The following TUT7 variants were observed in gnomAD, a reference collection of about 807,000 sequenced individuals.
TUT7 encodes terminal uridylyl transferase 7.
TUT7 carries 33 observed loss-of-function variants against 165.9 expected under a neutral mutation model. That is an observed-to-expected ratio of 0.20 (90% CI 0.15 to 0.27). TUT7 has a LOEUF of 0.27. Among genes scored for constraint, TUT7 ranks in the 10% least tolerant of loss-of-function variants. The pLI is 1.00. For missense variants in TUT7, 1,338 were observed against 1,762.3 expected, an observed-to-expected ratio of 0.76 and a Z score of 4.31; for synonymous variants, 552 against 608.1, an observed-to-expected ratio of 0.91 and a Z score of 1.36.
intron 14 of TUT7, 127 bp downstream of exon 14, chr9:86,322,198 C>T: frequency 1.3e-6 from 1 of 792,130 alleles, no homozygotes; most frequent in Non-Finnish European, 2.0e-6. Context: ...CTTGAGGATA[C>T]AATGGAGAAT....
intron 17 of TUT7, among the ~76,000 whole-genome samples, chr9:86,313,890 A>G (rs1018914430): frequency 2.0e-5 from 3 of 152,200 alleles, no homozygotes; most frequent in African/African-American, 7.2e-5. Flanking sequence ...CACAGGAGAA[A>G]ATAAGTAGGT....
chr9:86,328,128 A>G (rs1242719058), intron 11 of TUT7, among the ~76,000 whole-genome samples: 3 of 152,246 alleles, frequency 2.0e-5, no homozygotes, highest in Admixed American at 2.0e-4. Flanking sequence ...AGGAACCAGC[A>G]CAAAGAAACT....
chr9:86,344,556 C>T (rs1345409809), intron 5 of TUT7, among the ~76,000 whole-genome samples: 3 of 151,208 alleles, frequency 2.0e-5, no homozygotes, highest in African/African-American at 7.3e-5. Context: ...ATTTTAGATG[C>T]TGCAATTCTC....
chr9:86,338,514 G>T (rs540188725), intron 9 of TUT7, among the ~76,000 whole-genome samples: 1 of 152,244 alleles, frequency 6.6e-6, no homozygotes, highest in African/African-American at 2.4e-5. Flanking sequence ...CAACGTTCCT[G>T]TGCCTAACAA....
At chr9:86,322,584 A>C (rs761675074) in intron 13 of TUT7, 109 bp from the exon 14 acceptor site, 191 of 1,355,614 alleles carry the variant, frequency 1.4e-4, no homozygotes, top group Non-Finnish European at 1.9e-4. Flanking sequence ...TTTCCAAAGG[A>C]AATGAAAATA....
intron 26 of TUT7, among the ~76,000 whole-genome samples, chr9:86,292,312 A>C (rs1253971577): frequency 1.3e-5 from 2 of 152,090 alleles, no homozygotes; most frequent in Non-Finnish European, 2.9e-5. Context: ...ATAAAAAATG[A>C]ACCAGAAGGG....
At chr9:86,289,648 G>T (rs1473584342) in intron 26 of TUT7, among the ~76,000 whole-genome samples, 1 of 151,092 alleles carries the variant, frequency 6.6e-6, no homozygotes, top group Non-Finnish European at 1.5e-5. Flanking sequence ...AGTCACCAGA[G>T]AAAAGAATGA....
At chr9:86,301,716 A>G in intron 25 of TUT7, 115 bp from the exon 26 acceptor site, 1 of 1,493,262 alleles carries the variant, frequency 6.7e-7, no homozygotes, top group Non-Finnish European at 8.8e-7. Context: ...AGGAATAGAA[A>G]GTATTAAAAG....
At chr9:86,306,832 A>G (rs1396423860) in intron 22 of TUT7, among the ~76,000 whole-genome samples, 1 of 152,136 alleles carries the variant, frequency 6.6e-6, no homozygotes, top group Non-Finnish European at 1.5e-5. Context: ...TACTATCACC[A>G]CTGAAATGCC....
In TUT7 at chr9:86,341,020, C is replaced by T; in HGVS notation, c.1120G>A (p.Glu374Lys). Residue 374 changes from glutamate to lysine, a missense_variant, in exon 7 of 27, where the codon GAA becomes AAA. Coordinates refer to ENST00000375963, the MANE Select transcript of TUT7 (RefSeq NM_024617.4). ...GCCTTACCACTGTTCTTTAAACATTCTTGAACAAGTAAGAGGACATCTGGC... is the reference window on the plus strand; with the variant it reads ...GCCTTACCACTGTTCTTTAAACATTTTTGAACAAGTAAGAGGACATCTGGC... ...SQPDVLLLVQ[E>K]CLKNSDSFID... The T allele has an allele frequency of 6.2e-7, 1 of 1,611,742 alleles. No individual in the cohort carries two copies. The highest frequency in any genetic ancestry group is 8.5e-7 in the Non-Finnish European group (1 of 1,178,916).
intron 12 of TUT7, 54 bp from the exon 13 acceptor site, chr9:86,324,014 T>C: frequency 7.5e-7 from 1 of 1,331,848 alleles, no homozygotes; most frequent in Non-Finnish European, 9.8e-7. Flanking sequence ...TGTTACTATA[T>C]TTCATGTTTT....
chr9:86,291,463 CGA>C lies in TUT7; in HGVS notation c.4421-2721_4421-2720del, dbSNP rs1414825737. ...GTATGTGCTTGTAATCCCAGCCATTCGAGAGACAGGAGGCAGGAGAATCGCTT... is the reference window on the plus strand; with the variant it reads ...GTATGTGCTTGTAATCCCAGCCATTCGAGACAGGAGGCAGGAGAATCGCTT... On this transcript the variant is annotated intron_variant, in intron 26 of 26. Coordinates refer to ENST00000375963, the MANE Select transcript of TUT7 (RefSeq NM_024617.4). Among the ~76,000 whole-genome samples, 4 of 150,840 alleles carry C rather than the reference CGA, an allele frequency of 2.7e-5. No individual in the cohort carries two copies. The East Asian group carries it at 7.8e-4, about 29-fold the overall frequency.
intron 22 of TUT7, 79 bp downstream of exon 22, chr9:86,308,350 C>T: frequency 7.6e-7 from 1 of 1,322,032 alleles, no homozygotes; most frequent in South Asian, 1.5e-5. Context: ...GCTGGAAGAG[C>T]TCTGCAAGGA....
chr9:86,337,389 A>G (rs1277574815), intron 10 of TUT7, 30 bp downstream of exon 10: 2 of 1,593,426 alleles, frequency 1.3e-6, no homozygotes, highest in East Asian at 4.5e-5. Flanking sequence ...AAATCTGTTC[A>G]GATATATAAG....
intron 7 of TUT7, among the ~76,000 whole-genome samples, chr9:86,340,734 T>C (rs1341340382): frequency 6.6e-6 from 1 of 152,234 alleles, no homozygotes; most frequent in Admixed American, 6.5e-5. Context: ...TTTACATATT[T>C]TGCATTTCTT....
At chr9:86,328,764 G>A (rs183433420) in intron 10 of TUT7, among the ~76,000 whole-genome samples, 1 of 152,194 alleles carries the variant, frequency 6.6e-6, no homozygotes, top group Admixed American at 6.5e-5. Context: ...GACGTCATGG[G>A]TTCTGAAGTA....
chr9:86,327,908 T>C (rs565288753), intron 11 of TUT7, among the ~76,000 whole-genome samples: 25 of 152,216 alleles, frequency 1.6e-4, no homozygotes. Flanking sequence ...TTGTTTGAAA[T>C]TCTAATGGCT....
chr9:86,330,378 A>G (rs1367735679), intron 10 of TUT7, among the ~76,000 whole-genome samples: 1 of 152,158 alleles, frequency 6.6e-6, no homozygotes, highest in Non-Finnish European at 1.5e-5. Flanking sequence ...CACTTCTAAC[A>G]GTAACACCCA....
At chr9:86,319,254 T>C (rs1426123048) in intron 15 of TUT7, among the ~76,000 whole-genome samples, 196 bp from the exon 16 acceptor site, 1 of 152,212 alleles carries the variant, frequency 6.6e-6, no homozygotes, top group Non-Finnish European at 1.5e-5. Flanking sequence ...ACAAGCTGTA[T>C]ATGGCAAGAA....
Sources: gnomAD v4.1 joint callset for allele counts (sites outside exome capture counted in the v4.1 genomes callset) on GRCh38, gnomAD v4.1.1 for gene constraint, MANE v1.5 for transcripts, NCBI Gene and HGNC (gene_info 2026-07-23, HGNC 2026-07-21) for gene names.